Variants in HTRA4 observed in about 807,000 individuals in gnomAD.
HTRA4 encodes serine protease HTRA4.
In HTRA4, 46 loss-of-function variants were observed where a neutral mutation model predicts 49.1. The ratio of observed to expected loss-of-function variants is 0.94; its 90% CI spans 0.74 to 1.20. HTRA4 has a LOEUF of 1.20. Among genes scored for constraint, HTRA4 ranks in the 50% most tolerant of loss-of-function variants. The pLI is 0.00. For missense variants in HTRA4, 602 were observed against 636.9 expected (o/e 0.95, Z 0.59); for synonymous variants, 261 against 264.0 (o/e 0.99, Z 0.11).
Position 38,974,468 on chromosome 8 carries a change from T to C in HTRA4, c.205T>C (p.Cys69Arg), listed in dbSNP as rs1483915328. 6.5e-7 allele frequency: 1 copy of C among 1,531,868 alleles called. No individual in the cohort carries two copies. Among genetic ancestry groups the C allele is most frequent in the Non-Finnish European group, 8.7e-7 (1 of 1,144,746 alleles). The allele number at this position is 1,531,868 out of a possible 1,614,324, so 94.9% of individuals were successfully genotyped here. A position where few individuals can be genotyped will look rare whatever the true frequency, so the allele number is the denominator to read the frequency against. ...TTPVFDLCRC[C>R]RVCPAAEREV... The stretch of plus-strand genomic sequence containing the variant: ...GCCGGTGTTCGACCTGTGCCGCTGT[T>C]GCCGCGTCTGCCCCGCGGCCGAGCG... The change falls in exon 1 of 9, where the codon TGC (cysteine) becomes CGC (arginine). Residue 69 changes from cysteine (C) to arginine (R), a missense_variant. By Grantham distance (180) the Cys-to-Arg change is radical (BLOSUM62 -3). Transcript: ENST00000302495.
chr8:38,976,410 A>G, intron 2 of HTRA4, 125 bp from the exon 3 acceptor site: 3 of 922,512 alleles, frequency 3.3e-6, no homozygotes, highest in Non-Finnish European at 4.9e-6. Flanking sequence ...AAAAGAAAAA[A>G]GAAAAGAAAA....
chr8:38,988,138 A>AAAC lies in HTRA4; in HGVS notation c.*40_*41insAAC. On this transcript the variant is annotated 3_prime_UTR_variant, in exon 9 of 9. Coordinates refer to ENST00000302495, the MANE Select transcript of HTRA4 (RefSeq NM_153692.4). ...AGTGGGATTATCTAAAAAAAAAAAA[A>AAAC]CCAGTTATATCACGTGGTTTGTATT... 6.8e-7 allele frequency: 1 copy of AAAC among 1,464,360 alleles called. No homozygotes were observed. The highest frequency in any genetic ancestry group is 9.1e-7 in the Non-Finnish European group (1 of 1,095,724). 90.7% of individuals were successfully genotyped at this position (1,464,360 alleles called of 1,614,324 possible).
At chr8:38,982,454 A>G in intron 6 of HTRA4, 44 bp from the exon 7 acceptor site, 1 of 1,550,672 alleles carries the variant, frequency 6.4e-7, no homozygotes, top group East Asian at 2.2e-5. Context: ...CTGCGCTAAC[A>G]GGAAAGAGGT....
chr8:38,974,738 C>CG lies in HTRA4; in HGVS notation c.466+14dup. The CG allele has an allele frequency of 1.4e-6, 2 of 1,418,038 alleles. No homozygotes were observed. Among genetic ancestry groups the CG allele is most frequent in the Non-Finnish European group, 9.1e-7 (1 of 1,093,070 alleles). 87.8% of individuals were successfully genotyped at this position (1,418,038 alleles called of 1,614,324 possible). A position where few individuals can be genotyped will look rare whatever the true frequency, so the allele number is the denominator to read the frequency against. Reference sequence around the variant, plus strand: ...GAACTGCGGGGATACAGGTGAGCCGCGGGGGCGCGCGCCCTCGGAACACTT... The same window carrying CG: ...GAACTGCGGGGATACAGGTGAGCCGCGGGGGGCGCGCGCCCTCGGAACACTT... On this transcript the variant is annotated intron_variant, in intron 1 of 8. Transcript: ENST00000302495.
chr8:38,982,664 T>A, intron 7 of HTRA4, 109 bp downstream of exon 7: 1 of 970,266 alleles, frequency 1.0e-6, no homozygotes, highest in Non-Finnish European at 1.6e-6. Flanking sequence ...GGTACTCTTG[T>A]GACCATAGGC....
chr8:38,986,645 G>A lies in HTRA4; in HGVS notation c.1269-1291G>A, dbSNP rs1336169127. ...GTATTATTTTATAGAGGAAGCAGCT[G>A]TGGTACAAAGAGGTTCATTAACTTG... is the stretch of plus-strand genomic sequence containing the variant. On this transcript the variant is annotated intron_variant, in intron 8 of 8. Coordinates refer to ENST00000302495, the MANE Select transcript of HTRA4 (RefSeq NM_153692.4). Among the ~76,000 whole-genome samples, 5 of 152,352 alleles carry A rather than the reference G, an allele frequency of 3.3e-5. No individual in the cohort carries two copies. In the East Asian group the frequency reaches 9.6e-4, roughly 29 times the overall value.
chr8:38,976,340 G>A (rs553814239), intron 2 of HTRA4, among the ~76,000 whole-genome samples, 195 bp from the exon 3 acceptor site: 2 of 142,352 alleles, frequency 1.4e-5, no homozygotes, highest in East Asian at 4.2e-4. Flanking sequence ...GGTGGTTGCA[G>A]TGAGCCGAGA....
At position 38,974,354 on chromosome 8, in the gene HTRA4, G is replaced by A. The variant is rs1196710558; in HGVS notation, c.91G>A (p.Ala31Thr). 1 of 1,608,866 alleles carries A rather than the reference G, an allele frequency of 6.2e-7. No homozygotes were observed. Among genetic ancestry groups the A allele is most frequent in the East Asian group, 2.2e-5 (1 of 44,664 alleles). The change falls in exon 1 of 9, where the codon GCT becomes ACT. Residue 31 changes from alanine (A) to threonine (T), a missense_variant. Physicochemically the swap from Ala to Thr is moderately conservative, Grantham distance 58. Transcript: ENST00000302495. Reference protein sequence around the residue: ...LLLVPVLWAGAEKLHTQPSCP... With the variant: ...LLLVPVLWAGTEKLHTQPSCP... ...CCTGGTGCCCGTCCTCTGGGCCGGG[G>A]CTGAAAAGCTACATACCCAGCCCTC... is the stretch of plus-strand genomic sequence containing the variant.
intron 8 of HTRA4, 29 bp downstream of exon 8, chr8:38,983,077 A>G (rs1416314672): frequency 6.8e-7 from 1 of 1,469,516 alleles, no homozygotes; most frequent in Non-Finnish European, 9.5e-7. Context: ...TTTGTCATCT[A>G]CCTTTGCTTT....
At chr8:38,982,124 A>T (rs1470480230) in intron 6 of HTRA4, among the ~76,000 whole-genome samples, 11 of 152,184 alleles carry the variant, frequency 7.2e-5, no homozygotes, top group African/African-American at 2.7e-4. Flanking sequence ...CTGGGATTAC[A>T]GGCATGAACC....
rs577674406 is a variant in HTRA4 at position 38,988,217 on chromosome 8, A to G, written c.*119A>G. 1.7e-4 allele frequency: 150 copies of G among 904,912 alleles called. 2 individuals are homozygous for G. The highest frequency in any genetic ancestry group is 1.1e-3 in the Middle Eastern group (3 of 2,818). 56.1% of individuals were successfully genotyped at this position (904,912 alleles called of 1,614,324 possible). On this transcript the variant is annotated 3_prime_UTR_variant, in exon 9 of 9. Coordinates refer to ENST00000302495, the MANE Select transcript of HTRA4 (RefSeq NM_153692.4). ...TTTGGATCTTTTTCTTACAAAGAAA[A>G]ATGGATGGTTATCAACCCAAATGCC...
chr8:38,974,606 G>A lies in HTRA4; in HGVS notation c.343G>A (p.Val115Met). The part of the protein sequence containing the change: ...TCGCPTLGGA[V>M]CGSDRRTYPS... The stretch of plus-strand genomic sequence containing the variant: ...CGGTTGCCCGACGCTGGGAGGGGCC[G>A]TGTGCGGCAGCGACAGGCGCACCTA... Residue 115 changes from valine to methionine, a missense_variant, in exon 1 of 9, where the codon GTG becomes ATG. Physicochemically the swap from Val to Met is conservative, Grantham distance 21. Coordinates refer to ENST00000302495, the MANE Select transcript of HTRA4 (RefSeq NM_153692.4). The A allele has an allele frequency of 7.0e-7, 1 of 1,425,990 alleles. No homozygotes were observed. The highest frequency in any genetic ancestry group is 3.0e-5 in the East Asian group (1 of 33,750). 88.3% of individuals were successfully genotyped at this position (1,425,990 alleles called of 1,614,324 possible). A position where few individuals can be genotyped will look rare whatever the true frequency, so the allele number is the denominator to read the frequency against.
Position 38,983,002 on chromosome 8 carries a change from T to A in HTRA4, c.1222T>A (p.Ser408Thr). The A allele has an allele frequency of 6.2e-7, 1 of 1,614,036 alleles. No homozygotes were observed. Among genetic ancestry groups the A allele is most frequent in the South Asian group, 1.1e-5 (1 of 91,076 alleles). ...TTATCCAGATTTCCCTGATGTGAGT[T>A]CTGGGGTTTATGTATGTAAAGTGGT... ...MHYPDFPDVSSGVYVCKVVEG... is the reference protein window; with the variant it reads ...MHYPDFPDVSTGVYVCKVVEG... Residue 408 changes from serine to threonine, a missense_variant, in exon 8 of 9, where the codon TCT (serine) becomes ACT (threonine). Physicochemically the swap from Ser to Thr is moderately conservative, Grantham distance 58 (BLOSUM62 1). Coordinates refer to ENST00000302495, the MANE Select transcript of HTRA4 (RefSeq NM_153692.4).
intron 4 of HTRA4, among the ~76,000 whole-genome samples, chr8:38,978,465 T>C (rs1459630641): frequency 6.6e-6 from 1 of 152,114 alleles, no homozygotes; most frequent in East Asian, 1.9e-4. Flanking sequence ...ACAAAGCCGG[T>C]CCCTGTGCCA....
intron 2 of HTRA4, among the ~76,000 whole-genome samples, chr8:38,975,672 G>A (rs1464987624): frequency 6.6e-6 from 1 of 152,148 alleles, no homozygotes; most frequent in Non-Finnish European, 1.5e-5. Context: ...GCCTCCCGAC[G>A]TGCTGGGATT....
chr8:38,988,070 T>C lies in HTRA4; in HGVS notation c.1403T>C (p.Leu468Pro). 1 of 1,607,978 alleles carries C rather than the reference T, an allele frequency of 6.2e-7. No individual in the cohort carries two copies. Among genetic ancestry groups the C allele is most frequent in the Non-Finnish European group, 8.5e-7 (1 of 1,178,142 alleles). The change falls in exon 9 of 9, where the codon CTG (leucine) becomes CCG (proline). Residue 468 changes from leucine to proline, a missense_variant. Coordinates refer to ENST00000302495, the MANE Select transcript of HTRA4 (RefSeq NM_153692.4). ...CTTCGGGGAAAAGATAATTTGCTCCTGACAGTCATACCTGAAACAATCAAT... is the reference window on the plus strand; with the variant it reads ...CTTCGGGGAAAAGATAATTTGCTCCCGACAGTCATACCTGAAACAATCAAT... ...AVLRGKDNLL[L>P]TVIPETIN
At chr8:38,978,612 C>G (rs1835382002) in intron 4 of HTRA4, among the ~76,000 whole-genome samples, 1 of 152,132 alleles carries the variant, frequency 6.6e-6, no homozygotes. Context: ...AATGGAATGC[C>G]ACTTTGTTAG....
At chr8:38,979,395 C>A in intron 5 of HTRA4, 148 bp downstream of exon 5, 2 of 741,968 alleles carry the variant, frequency 2.7e-6, no homozygotes, top group Non-Finnish European at 4.8e-6. Flanking sequence ...CTAGCCTGGG[C>A]AAGACAGCAA....
intron 8 of HTRA4, among the ~76,000 whole-genome samples, chr8:38,986,538 G>A (rs958846555): frequency 1.3e-5 from 2 of 152,120 alleles, no homozygotes; most frequent in African/African-American, 4.8e-5. Flanking sequence ...CAAAGTGCTG[G>A]GATTACAGTG....
Sources: gnomAD v4.1 joint callset for allele counts (sites outside exome capture counted in the v4.1 genomes callset) on GRCh38, gnomAD v4.1.1 for gene constraint, MANE v1.5 for transcripts, NCBI Gene and HGNC (gene_info 2026-07-23, HGNC 2026-07-21) for gene names.